EXPH5: variants seen among roughly 807,000 people sequenced by gnomAD.
EXPH5 encodes the protein exophilin 5.
In EXPH5, 42 loss-of-function variants were observed where a neutral mutation model predicts 41.1. That is an observed-to-expected ratio of 1.02 (90% CI 0.80 to 1.32). EXPH5 has a LOEUF of 1.32. EXPH5 is among the 40% of genes most tolerant of loss of function. EXPH5 has a pLI of 0.00. For missense variants in EXPH5, 2,298 were observed against 2,314.5 expected (o/e 0.99, Z 0.15); for synonymous variants, 798 against 833.5 (o/e 0.96, Z 0.73).
chr11:108,530,869 C>G (rs575760356), intron 3 of EXPH5, among the ~76,000 whole-genome samples: 55 of 152,044 alleles, frequency 3.6e-4, no homozygotes, highest in Non-Finnish European at 6.9e-4. Context: ...CTCCTGTGGA[C>G]TTGGGTAGAA....
chr11:108,572,168 G>A (rs2094062701), intron 1 of EXPH5, among the ~76,000 whole-genome samples: 1 of 152,186 alleles, frequency 6.6e-6, no homozygotes, highest in African/African-American at 2.4e-5. Context: ...GGGCACGACA[G>A]CATTTGTGTT....
chr11:108,540,345 TAAAC>T (rs1197082216), intron 2 of EXPH5, among the ~76,000 whole-genome samples: 1 of 151,722 alleles, frequency 6.6e-6, no homozygotes, highest in Non-Finnish European at 1.5e-5. Flanking sequence ...TAAATAAAAT[TAAAC>T]AAAATCCATA....
chr11:108,559,100 G>C (rs1237095619), intron 1 of EXPH5, among the ~76,000 whole-genome samples: 3 of 152,092 alleles, frequency 2.0e-5, no homozygotes, highest in Admixed American at 2.0e-4. Context: ...CCCATGCCTA[G>C]AATAAACCTC....
At chr11:108,522,337 A>G (rs2135962626) in intron 4 of EXPH5, among the ~76,000 whole-genome samples, 1 of 152,290 alleles carries the variant, frequency 6.6e-6, no homozygotes, top group East Asian at 1.9e-4. Flanking sequence ...GCAGCAACTA[A>G]ACATTGATTA....
At chr11:108,533,433 G>A (rs529393423) in intron 3 of EXPH5, among the ~76,000 whole-genome samples, 1 of 152,294 alleles carries the variant, frequency 6.6e-6, no homozygotes, top group South Asian at 2.1e-4. Context: ...TCGAACTTCT[G>A]ACCTCGTGAT....
the EXPH5 span, among the ~76,000 whole-genome samples, chr11:108,602,738 G>T: frequency 6.6e-6 from 1 of 152,296 alleles, no homozygotes; most frequent in South Asian, 2.1e-4. Context: ...ACATAAAGCA[G>T]ATTATAAGGG....
At chr11:108,533,581 C>G (rs2093858584) in intron 3 of EXPH5, among the ~76,000 whole-genome samples, 1 of 152,166 alleles carries the variant, frequency 6.6e-6, no homozygotes, top group African/African-American at 2.4e-5. Context: ...CCACCATTAT[C>G]TCAGCAATCT....
chr11:108,511,065 G>A lies in EXPH5; in HGVS notation c.4442C>T (p.Pro1481Leu), dbSNP rs1466594329. ...TCCAATGTCCCCTCTGCCTTCCCTA[G>A]GCTGTGATCCACTGGAGCCATCACC... is the stretch of plus-strand genomic sequence containing the variant. ...AVGDGSSGSQ[P>L]REGRGDIGTN... The change falls in exon 6 of 6, where the codon CCT becomes CTT. Residue 1481 changes from proline (P) to leucine (L), a missense_variant. Pro to Leu is a moderately conservative substitution (Grantham distance 98, BLOSUM62 -3). Coordinates refer to ENST00000265843, the MANE Select transcript of EXPH5 (RefSeq NM_015065.3). 1.2e-6 allele frequency: 2 copies of A among 1,613,994 alleles called. No individual in the cohort carries two copies. Among genetic ancestry groups the A allele is most frequent in the Non-Finnish European group, 1.7e-6 (2 of 1,180,024 alleles).
At chr11:108,525,918 C>CTTTTT (rs11390097) in intron 4 of EXPH5, among the ~76,000 whole-genome samples, 1 of 132,640 alleles carries the variant, frequency 7.5e-6, no homozygotes, top group Non-Finnish European at 1.6e-5. Context: ...TTTTTCTTTT[C>CTTTTT]TTTTTTTTTT....
rs141405307 is a variant in EXPH5, at chr11:108,593,635, C to T, written c.-99G>A. 7.1e-3 allele frequency: 11,369 copies of T among 1,600,154 alleles called. 155 individuals carry two copies. Among genetic ancestry groups the T allele is most frequent in the Middle Eastern group, 0.06 (361 of 6,044 alleles). On this transcript the variant is annotated 5_prime_UTR_variant, in exon 1 of 6. Transcript: ENST00000265843. The stretch of plus-strand genomic sequence containing the variant: ...AAGACCAGTTTCACGAACTTGATCC[C>T]ACAGCCAATAATAAGTCCGCCCCTT...
rs1565766159 is a variant in EXPH5 at position 108,510,084 on chromosome 11, CGTA to C, written c.5420_5422del (p.Leu1807del). 6.2e-7 allele frequency: 1 copy of C among 1,611,282 alleles called. No individual in the cohort carries two copies. The highest frequency in any genetic ancestry group is 1.7e-5 in the Admixed American group (1 of 59,292). On this transcript the variant is annotated inframe_deletion, in exon 6 of 6. Transcript: ENST00000265843. ...CCTGACTTTTGGAGGATGGCTTTTTCGTAGTAGATCGCCATGAACATTAATGCT... is the reference window on the plus strand; with the variant it reads ...CCTGACTTTTGGAGGATGGCTTTTTCGTAGATCGCCATGAACATTAATGCT...
upstream of EXPH5, among the ~76,000 whole-genome samples, chr11:108,597,257 G>A (rs926893380): frequency 2.6e-5 from 4 of 152,112 alleles, no homozygotes; most frequent in Non-Finnish European, 5.9e-5. Context: ...GAGTGCAGTG[G>A]CTCAATCTCA....
At chr11:108,569,396 A>G (rs913523311) in intron 1 of EXPH5, among the ~76,000 whole-genome samples, 5 of 151,958 alleles carry the variant, frequency 3.3e-5, no homozygotes, top group Non-Finnish European at 7.4e-5. Flanking sequence ...CTGGAGTGCA[A>G]TGGTGTGATC....
chr11:108,520,632 G>A lies in EXPH5; in HGVS notation c.493-2259C>T, dbSNP rs1025682020. On this transcript the variant is annotated intron_variant, in intron 4 of 5. Transcript: ENST00000265843. ...GGCCCAGGCTGGAGTGCAGTGGCGCGATCTGGGCTCTGCACCATCCACCTC... is the reference window on the plus strand; with the variant it reads ...GGCCCAGGCTGGAGTGCAGTGGCGCAATCTGGGCTCTGCACCATCCACCTC... Among the ~76,000 whole-genome samples the A allele has an allele frequency of 1.3e-5, 2 of 152,016 alleles. 1 individual carries two copies. The highest frequency in any genetic ancestry group is 2.9e-5 in the Non-Finnish European group (2 of 68,018).
chr11:108,587,302 G>A (rs952354367), intron 1 of EXPH5, among the ~76,000 whole-genome samples: 1 of 152,156 alleles, frequency 6.6e-6, no homozygotes, highest in Non-Finnish European at 1.5e-5. Context: ...TGGTTCTCAG[G>A]TTTAAGACCA....
At chr11:108,588,616 G>A (rs1253335385) in intron 1 of EXPH5, among the ~76,000 whole-genome samples, 2 of 152,148 alleles carry the variant, frequency 1.3e-5, no homozygotes, top group African/African-American at 4.8e-5. Context: ...AAATGAGATA[G>A]TGCACACAAA....
intron 1 of EXPH5, among the ~76,000 whole-genome samples, chr11:108,573,398 G>A (rs542652782): frequency 2.0e-5 from 3 of 152,290 alleles, no homozygotes; most frequent in Admixed American, 2.0e-4. Context: ...GCCACCTGAC[G>A]TAGAAAATGG....
intron 5 of EXPH5, among the ~76,000 whole-genome samples, chr11:108,516,414 C>T (rs1255574548): frequency 6.6e-6 from 1 of 152,164 alleles, no homozygotes; most frequent in African/African-American, 2.4e-5. Flanking sequence ...TTGTACTTGA[C>T]ATGTTTTCCT....
intron 3 of EXPH5, among the ~76,000 whole-genome samples, chr11:108,532,362 ATATATTTTTTTT>A (rs2093847160): frequency 5.0e-5 from 1 of 20,144 alleles, no homozygotes; most frequent in Non-Finnish European, 7.4e-5. Context: ...ATATATATAT[ATATATTTTTTTT>A]TTTTTTTTTT....
Sources: allele counts gnomAD v4.1 joint callset (sites outside exome capture counted in the v4.1 genomes callset), GRCh38; gene constraint gnomAD v4.1.1; transcripts MANE v1.5; gene names NCBI Gene and HGNC (gene_info 2026-07-23, HGNC 2026-07-21).